The following PTPRN2 variants were observed in gnomAD, a reference collection of about 807,000 sequenced individuals.
PTPRN2 encodes receptor-type tyrosine-protein phosphatase N2.
In PTPRN2, 74 loss-of-function variants were observed where a neutral mutation model predicts 118.8. That is an observed-to-expected ratio of 0.62 (90% CI 0.52 to 0.76). The LOEUF (loss-of-function observed/expected upper bound fraction) is 0.76, where lower values mean the gene tolerates loss of function less well. Among genes scored for constraint, PTPRN2 ranks in the 30% least tolerant of loss-of-function variants. The pLI is 0.00. For missense variants in PTPRN2, 1,481 were observed against 1,394.4 expected, an observed-to-expected ratio of 1.06 and a Z score of -0.99; for synonymous variants, 641 against 608.0, an observed-to-expected ratio of 1.05 and a Z score of -0.80.
intron 18 of PTPRN2, among the ~76,000 whole-genome samples, chr7:157,577,511 C>T (rs1430382712): frequency 6.6e-6 from 1 of 152,094 alleles, no homozygotes; most frequent in African/African-American, 2.4e-5. Flanking sequence ...AGCAGGTTAT[C>T]CTCAAATAAA....
Position 157,782,330 on chromosome 7 carries a change from C to T in PTPRN2, c.1789-99393G>A, listed in dbSNP as rs141702123. 4.3e-3 allele frequency among the ~76,000 whole-genome samples: 657 copies of T among 152,356 alleles called. 4 individuals are homozygous for T. The highest frequency in any genetic ancestry group is 0.015 in the African/African-American group (627 of 41,586). ...CTCAGGCATCCGAGAATTAATGGGGCCCCGGGTTGGGATGCATGCAGTGCC... is the reference window on the plus strand; with the variant it reads ...CTCAGGCATCCGAGAATTAATGGGGTCCCGGGTTGGGATGCATGCAGTGCC... On this transcript the variant is annotated intron_variant, in intron 12 of 22. Transcript: ENST00000389418.
At chr7:158,160,706 C>T (rs1026816809) in intron 6 of PTPRN2, among the ~76,000 whole-genome samples, 2 of 152,170 alleles carry the variant, frequency 1.3e-5, no homozygotes, top group Non-Finnish European at 2.9e-5. Context: ...TGGGTGCACA[C>T]AATTACCAAG....
chr7:158,315,496 G>A (rs112747249), intron 3 of PTPRN2, among the ~76,000 whole-genome samples: 6 of 122,398 alleles, frequency 4.9e-5, no homozygotes, highest in South Asian at 2.9e-4. Context: ...AACCCGGGAC[G>A]CCCTCAAGGA....
intron 14 of PTPRN2, among the ~76,000 whole-genome samples, chr7:157,643,474 C>T (rs766008770): frequency 9.2e-5 from 14 of 152,238 alleles, no homozygotes; most frequent in Non-Finnish European, 1.8e-4. Context: ...CAACTATCCA[C>T]AGAGCGCTGC....
At chr7:158,084,807 C>T (rs964579958) in intron 10 of PTPRN2, among the ~76,000 whole-genome samples, 1 of 138,158 alleles carries the variant, frequency 7.2e-6, no homozygotes, top group Non-Finnish European at 1.5e-5. Context: ...CACACGGATG[C>T]CCATACACTC....
At chr7:157,541,435 G>A (rs572808847) in intron 22 of PTPRN2, among the ~76,000 whole-genome samples, 7 of 152,358 alleles carry the variant, frequency 4.6e-5, no homozygotes, top group South Asian at 2.1e-4. Context: ...ACAGCCTGCC[G>A]AGAGCATCCA....
intron 2 of PTPRN2, among the ~76,000 whole-genome samples, chr7:158,348,225 G>A (rs145659381): frequency 6.6e-6 from 1 of 152,024 alleles, no homozygotes; most frequent in African/African-American, 2.4e-5. Flanking sequence ...AAGCAGCGGG[G>A]AGATGCTGCA....
At chr7:158,336,452 GTCACTCACACCC>G (rs1805552888) in intron 2 of PTPRN2, among the ~76,000 whole-genome samples, 1 of 27,236 alleles carries the variant, frequency 3.7e-5, no homozygotes, top group Non-Finnish European at 9.6e-5. Flanking sequence ...ACCCACACAT[GTCACTCACACCC>G]ACACTCTCAC....
At chr7:158,437,030 C>T (rs1440694949) in intron 2 of PTPRN2, among the ~76,000 whole-genome samples, 2 of 152,162 alleles carry the variant, frequency 1.3e-5, no homozygotes, top group Admixed American at 6.6e-5. Context: ...GCTCTCATCG[C>T]CTCAAACATT....
chr7:157,544,001 GGAGAGCGGTGGAGAGAGACA>G (rs1798136822), intron 22 of PTPRN2, among the ~76,000 whole-genome samples: 1 of 148,100 alleles, frequency 6.8e-6, no homozygotes, highest in Admixed American at 6.9e-5. Flanking sequence ...GGAGAGAGAT[GGAGAGCGGTGGAGAGAGACA>G]GAGAGAGGTG....
Position 158,507,211 on chromosome 7 carries a change from T to C in PTPRN2, c.113-17426A>G, listed in dbSNP as rs1360687088. Among the ~76,000 whole-genome samples, 5 of 150,952 alleles carry C rather than the reference T, an allele frequency of 3.3e-5. No homozygotes were observed. The East Asian group carries it at 9.9e-4, about 30-fold the overall frequency. On this transcript the variant is annotated intron_variant, in intron 1 of 22. Coordinates refer to ENST00000389418, the MANE Select transcript of PTPRN2 (RefSeq NM_002847.5). ...GTGAGGACCGTCCAGGGGACAGCCCTGCACTAGGCAGGAAATTGCACACAG... is the reference window on the plus strand; with the variant it reads ...GTGAGGACCGTCCAGGGGACAGCCCCGCACTAGGCAGGAAATTGCACACAG...
intron 2 of PTPRN2, among the ~76,000 whole-genome samples, chr7:158,341,755 C>T (rs1405314703): frequency 6.8e-6 from 1 of 146,054 alleles, no homozygotes; most frequent in Non-Finnish European, 1.5e-5. Flanking sequence ...CACCGACACT[C>T]TCACCATAAG....
At chr7:158,346,518 G>C (rs986915318) in intron 2 of PTPRN2, among the ~76,000 whole-genome samples, 1 of 152,114 alleles carries the variant, frequency 6.6e-6, no homozygotes, top group African/African-American at 2.4e-5. Context: ...CCATCCATCT[G>C]TCGATGGACA....
chr7:158,078,997 C>A (rs1184338051), intron 11 of PTPRN2, among the ~76,000 whole-genome samples: 1 of 152,148 alleles, frequency 6.6e-6, no homozygotes, highest in African/African-American at 2.4e-5. Flanking sequence ...TGAGCCACCA[C>A]ACCCAGCTAA....
chr7:158,115,648 G>T (rs1816672382), intron 9 of PTPRN2, among the ~76,000 whole-genome samples: 1 of 152,044 alleles, frequency 6.6e-6, no homozygotes, highest in Admixed American at 6.6e-5. Flanking sequence ...CAACCCAGAA[G>T]TGTGCCTCCA....
At chr7:157,697,457 T>A (rs1797848092) in intron 12 of PTPRN2, among the ~76,000 whole-genome samples, 1 of 117,764 alleles carries the variant, frequency 8.5e-6, no homozygotes, top group African/African-American at 3.5e-5. Context: ...GCATACTGGG[T>A]CTTAGTAGAG....
intron 2 of PTPRN2, among the ~76,000 whole-genome samples, chr7:158,475,908 T>C (rs1419994819): frequency 6.6e-6 from 1 of 152,222 alleles, no homozygotes; most frequent in Non-Finnish European, 1.5e-5. Context: ...AGTTCTTTCC[T>C]TAAAGTCCTG....
Position 158,253,025 on chromosome 7 carries a change from G to A in PTPRN2, c.278-47752C>T, listed in dbSNP as rs566477681. 3.9e-5 allele frequency among the ~76,000 whole-genome samples: 6 copies of A among 152,328 alleles called. No homozygotes were observed. In the South Asian group the frequency reaches 1.0e-3, roughly 26 times the overall value. On this transcript the variant is annotated intron_variant, in intron 3 of 22. Coordinates refer to ENST00000389418, the MANE Select transcript of PTPRN2 (RefSeq NM_002847.5). Reference sequence around the variant, plus strand: ...TCAGAACTGAGGCTGGCATGCGGAGGGTGTGGTTTCCCCGGACCAGACCTC... The same window carrying A: ...TCAGAACTGAGGCTGGCATGCGGAGAGTGTGGTTTCCCCGGACCAGACCTC...
intron 12 of PTPRN2, among the ~76,000 whole-genome samples, chr7:157,839,382 A>T (rs921652509): frequency 6.8e-6 from 1 of 146,900 alleles, no homozygotes; most frequent in Non-Finnish European, 1.5e-5. Flanking sequence ...GGGAGTGTGT[A>T]TGTGGTGGAG....
Sources: allele counts gnomAD v4.1 joint callset (sites outside exome capture counted in the v4.1 genomes callset), GRCh38; gene constraint gnomAD v4.1.1; transcripts MANE v1.5; gene names NCBI Gene and HGNC (gene_info 2026-07-23, HGNC 2026-07-21).